The following ZNF814 variants were observed in gnomAD, a reference collection of about 807,000 sequenced individuals.
ZNF814 encodes zinc finger protein 814.
A neutral mutation model predicts 7.5 loss-of-function variants in ZNF814; 5 were observed. That is an observed-to-expected ratio of 0.67 (90% confidence interval 0.35 to 1.40). ZNF814 has a LOEUF of 1.40. Among genes scored for constraint, ZNF814 ranks in the 40% most tolerant of loss-of-function variants. The pLI is 0.04. For synonymous variants in ZNF814, 315 were observed against 340.7 expected (o/e 0.92, Z 0.83); for missense variants, 962 against 1,018.0 (o/e 0.94, Z 0.75).
the ZNF814 span, among the ~76,000 whole-genome samples, chr19:57,898,659 A>C: frequency 6.6e-6 from 1 of 152,226 alleles, no homozygotes; most frequent in Non-Finnish European, 1.5e-5. Context: ...TAAGAAAAAA[A>C]TCAGACGGAC....
rs2071567892 is a variant in ZNF814, at chr19:57,872,892, CAT to C, written c.2496_2497del (p.Cys833TrpfsTer5). ...AGACTTCTTGTTAAATAATTTCCCA[CAT>C]TTCTCACATTTATAAGGCTTTTCTC... On this transcript the variant is annotated frameshift_variant, in exon 3 of 3. Transcript: ENST00000435989. LOFTEE classifies it low-confidence loss of function (END_TRUNC). 2 of 1,613,082 alleles carry C rather than the reference CAT, an allele frequency of 1.2e-6. No homozygotes were observed. The highest frequency in any genetic ancestry group is 1.7e-6 in the Non-Finnish European group (2 of 1,179,644).
chr19:57,904,387 CTCTTG>C, the ZNF814 span, among the ~76,000 whole-genome samples: 8 of 152,286 alleles, frequency 5.3e-5, no homozygotes, highest in Non-Finnish European at 8.8e-5. Flanking sequence ...ACCCTATGTA[CTCTTG>C]TCTTGTCTCA....
intron 1 of ZNF814, among the ~76,000 whole-genome samples, chr19:57,883,170 A>AAC (rs2071662269): frequency 6.6e-6 from 1 of 151,636 alleles, no homozygotes; most frequent in Non-Finnish European, 1.5e-5. Context: ...CATCCTGGCT[A>AAC]ATGGGGTGAA....
intron 1 of ZNF814, among the ~76,000 whole-genome samples, chr19:57,878,123 G>A (rs549452622): frequency 3.4e-5 from 5 of 146,582 alleles, no homozygotes; most frequent in South Asian, 2.2e-4. Flanking sequence ...CCGAGATTGC[G>A]CCGTTGCACT....
Position 57,888,880 on chromosome 19 carries a change from G to A in ZNF814, c.-78C>T. 1.3e-6 allele frequency: 2 copies of A among 1,504,094 alleles called. No homozygotes were observed. The highest frequency in any genetic ancestry group is 2.4e-5 in the South Asian group (2 of 82,862). The allele number at this position is 1,504,094 out of a possible 1,614,324, so 93.2% of individuals were successfully genotyped here. A position where few individuals can be genotyped will look rare whatever the true frequency, so the allele number is the denominator to read the frequency against. On this transcript the variant is annotated 5_prime_UTR_variant, in exon 1 of 3. Transcript: ENST00000435989. ...ATATGGGCACGACGGTCCGTATCCT[G>A]GCCCAGGAGTGGGTCACGCTGGGCG...
At chr19:57,888,646 G>C in intron 1 of ZNF814, 121 bp downstream of exon 1, 2 of 1,286,912 alleles carry the variant, frequency 1.6e-6, no homozygotes, top group Non-Finnish European at 2.2e-6. Context: ...GGCCCCTCCC[G>C]CAAGCGCCTC....
Position 57,874,822 on chromosome 19 carries a change from C to T in ZNF814, c.568G>A (p.Ala190Thr). Reference protein sequence around the residue: ...LPRSGLLQQEASHTGEKSNSK... With the variant: ...LPRSGLLQQETSHTGEKSNSK... ...TTTGACTTCTCCCCAGTGTGACTGG[C>T]CTCCTGCTGGAGTAATCCTGACCTG... Residue 190 changes from alanine to threonine, a missense_variant, in exon 3 of 3, where the codon GCC becomes ACC. Ala to Thr is a moderately conservative substitution (Grantham distance 58). Around this residue, in one of 7 missense-constraint regions of ZNF814, gnomAD observed 126 missense variants for 123.5 expected, o/e 1.02. Transcript: ENST00000435989. 6.2e-7 allele frequency: 1 copy of T among 1,614,090 alleles called. No homozygotes were observed. Among genetic ancestry groups the T allele is most frequent in the Non-Finnish European group, 8.5e-7 (1 of 1,179,970 alleles).
At position 57,873,916 on chromosome 19, in the gene ZNF814, AAG is replaced by A; in HGVS notation, c.1472_1473del (p.Pro491LeufsTer30). ...HHQRVHSGERPYQCGECGKSF... is the reference protein window; with the variant it reads ...HHQRVHSGERXYQCGECGKSF... ...GATTTCCCACATTCTCCACACTGAT[AAG>A]GTCTTTCTCCACTGTGAACTCGCTG... On this transcript the variant is annotated frameshift_variant, in exon 3 of 3. Coordinates refer to ENST00000435989, the MANE Select transcript of ZNF814 (RefSeq NM_001144989.2). LOFTEE classifies it low-confidence loss of function (END_TRUNC). The A allele has an allele frequency of 6.2e-7, 1 of 1,613,630 alleles. No individual in the cohort carries two copies. Among genetic ancestry groups the A allele is most frequent in the Admixed American group, 1.7e-5 (1 of 59,980 alleles).
intron 1 of ZNF814, among the ~76,000 whole-genome samples, chr19:57,877,864 C>G (rs1442739844): frequency 2.0e-5 from 3 of 152,074 alleles, no homozygotes; most frequent in Admixed American, 2.0e-4. Flanking sequence ...CAAGAGCAAT[C>G]TACAAATCAA....
rs553701782 is a variant in ZNF814 at position 57,872,509 on chromosome 19, A to G, written c.*313T>C. 6.0e-5 allele frequency: 35 copies of G among 587,778 alleles called. No individual in the cohort carries two copies. Among genetic ancestry groups the G allele is most frequent in the Non-Finnish European group, 1.0e-4 (35 of 338,682 alleles). The allele number at this position is 587,778 out of a possible 1,614,324, so 36.4% of individuals were successfully genotyped here. On this transcript the variant is annotated 3_prime_UTR_variant, in exon 3 of 3. Transcript: ENST00000435989. ...AATGTATTTTATTTGTCTAGTGTGA[A>G]CTCTCTGATATTCAAGGAGAAAAGA...
At position 57,883,253 on chromosome 19, in the gene ZNF814, G is replaced by A. The variant is rs148547865; in HGVS notation, c.36+5514C>T. On this transcript the variant is annotated intron_variant, in intron 1 of 2. Coordinates refer to ENST00000435989, the MANE Select transcript of ZNF814 (RefSeq NM_001144989.2). The stretch of plus-strand genomic sequence containing the variant: ...GGCACCTGTAGTCCCAGCTACACGG[G>A]AGGCTGAGGCAGGAGAATGGCATGA... Among the ~76,000 whole-genome samples the A allele has an allele frequency of 2.5e-3, 383 of 152,070 alleles. 7 individuals are homozygous for A. In the East Asian group the frequency reaches 0.037, roughly 15 times the overall value.
At chr19:57,883,542 T>G (rs2071665770) in intron 1 of ZNF814, among the ~76,000 whole-genome samples, 1 of 150,558 alleles carries the variant, frequency 6.6e-6, no homozygotes, top group African/African-American at 2.4e-5. Flanking sequence ...ACACCTGTAG[T>G]CCCACCTACT....
upstream of ZNF814, chr19:57,889,182 G>T (rs1171992644): frequency 5.0e-6 from 2 of 399,238 alleles, no homozygotes; most frequent in Non-Finnish European, 8.8e-6. Context: ...CAACAAGGAG[G>T]GTAAAGGGCG....
chr19:57,873,061 A>G lies in ZNF814; in HGVS notation c.2329T>C (p.Cys777Arg), dbSNP rs1224390201. The change falls in exon 3 of 3, where the codon TGT becomes CGT. Residue 777 changes from cysteine to arginine, a missense_variant. By Grantham distance (180) the Cys-to-Arg change is radical (BLOSUM62 -3). Coordinates refer to ENST00000435989, the MANE Select transcript of ZNF814 (RefSeq NM_001144989.2). Reference sequence around the variant, plus strand: ...GAGCTTTCAGCGAAAGATTTTCCACATTCACTGCACTCATAAGGCTTTTCT... The same window carrying G: ...GAGCTTTCAGCGAAAGATTTTCCACGTTCACTGCACTCATAAGGCTTTTCT... Reference protein sequence around the residue: ...TGEKPYECSECGKSFAESSSF... With the variant: ...TGEKPYECSERGKSFAESSSF... 1 of 1,614,012 alleles carries G rather than the reference A, an allele frequency of 6.2e-7. No homozygotes were observed. Among genetic ancestry groups the G allele is most frequent in the Non-Finnish European group, 8.5e-7 (1 of 1,179,976 alleles).
In ZNF814 at chr19:57,870,324, T is replaced by A. The variant is rs2071546899; in HGVS notation, c.*2498A>T. On this transcript the variant is annotated 3_prime_UTR_variant, in exon 3 of 3. Transcript: ENST00000435989. The stretch of plus-strand genomic sequence containing the variant: ...TACCATTATTTTTGGAAAACAGGTT[T>A]GGCAACTCTATACTGACTACACCAA... The A allele has an allele frequency of 6.6e-6, 1 of 152,206 alleles. No homozygotes were observed. The highest frequency in any genetic ancestry group is 2.1e-4 in the South Asian group (1 of 4,832). The allele number at this position is 152,206 out of a possible 1,614,324, so 9.4% of individuals were successfully genotyped here. A position where few individuals can be genotyped will look rare whatever the true frequency, so the allele number is the denominator to read the frequency against.
chr19:57,896,098 C>T, the ZNF814 span, among the ~76,000 whole-genome samples: 4 of 150,914 alleles, frequency 2.7e-5, no homozygotes, highest in South Asian at 2.1e-4. This position sits in a 1 kb window ranked among gnomAD's most constrained non-coding sequence, Gnocchi z 4.2. Context: ...TTTGGCCAGT[C>T]GCCATGAGAG....
rs1473236293 is a variant in ZNF814 at position 57,872,834 on chromosome 19, T to C, written c.2556A>G (p.Arg852=). The change falls in exon 3 of 3, where the codon AGA becomes AGG. Residue 852 remains arginine (R), a synonymous_variant. Coordinates refer to ENST00000435989, the MANE Select transcript of ZNF814 (RefSeq NM_001144989.2). ...ACAATCCTCACACTCATATGGCTTT[T>C]CTCCAGTGTGAACTCTGGTGTACAA... ...HLLVHQSSHW[R]KAI is the part of the protein sequence containing the mutation. 3 of 1,612,022 alleles carry C rather than the reference T, an allele frequency of 1.9e-6. No individual in the cohort carries two copies. Among genetic ancestry groups the C allele is most frequent in the Non-Finnish European group, 2.5e-6 (3 of 1,179,000 alleles).
In ZNF814 at chr19:57,872,256, A is replaced by G. The variant is rs911108000; in HGVS notation, c.*566T>C. On this transcript the variant is annotated 3_prime_UTR_variant, in exon 3 of 3. Coordinates refer to ENST00000435989, the MANE Select transcript of ZNF814 (RefSeq NM_001144989.2). Reference sequence around the variant, plus strand: ...CATTGAAAAAGAAATAACATTCCATATACATCTATGGTGTTTTTCTCATGT... The same window carrying G: ...CATTGAAAAAGAAATAACATTCCATGTACATCTATGGTGTTTTTCTCATGT... 3.3e-5 allele frequency among the ~76,000 whole-genome samples: 5 copies of G among 152,240 alleles called. No homozygotes were observed. The highest frequency in any genetic ancestry group is 1.2e-4 in the African/African-American group (5 of 41,466).
Position 57,883,086 on chromosome 19 carries a change from T to C in ZNF814, c.36+5681A>G, listed in dbSNP as rs139324849. On this transcript the variant is annotated intron_variant, in intron 1 of 2. Coordinates refer to ENST00000435989, the MANE Select transcript of ZNF814 (RefSeq NM_001144989.2). ...ATAATTAAACAGAACTGGCCGGGTGTGGTGGCTCACACCTGTAATCCCAGC... is the reference window on the plus strand; with the variant it reads ...ATAATTAAACAGAACTGGCCGGGTGCGGTGGCTCACACCTGTAATCCCAGC... Among the ~76,000 whole-genome samples, 1,168 of 152,154 alleles carry C rather than the reference T, an allele frequency of 7.7e-3. 16 individuals are homozygous for C. The highest frequency in any genetic ancestry group is 0.027 in the Middle Eastern group (8 of 294).
Sources: allele counts gnomAD v4.1 joint callset (sites outside exome capture counted in the v4.1 genomes callset), GRCh38; gene constraint gnomAD v4.1.1; regional missense constraint gnomAD v4.1.1; non-coding constraint Gnocchi (gnomAD v3.1); transcripts MANE v1.5; gene names NCBI Gene and HGNC (gene_info 2026-07-23, HGNC 2026-07-21).